ADGRA1: variants seen among roughly 807,000 people sequenced by gnomAD.
ADGRA1 encodes the protein adhesion G protein-coupled receptor A1.
Under a neutral mutation model 21.3 loss-of-function variants are expected in ADGRA1, and 12 were observed. The ratio of observed to expected loss-of-function variants is 0.56; its 90% CI spans 0.36 to 0.91. The LOEUF is 0.91. Among genes scored for constraint, ADGRA1 ranks in the 40% least tolerant of loss-of-function variants. The pLI is 0.01. For missense variants in ADGRA1, 790 were observed against 805.6 expected, an observed-to-expected ratio of 0.98 and a Z score of 0.23; for synonymous variants, 385 against 368.8, an observed-to-expected ratio of 1.04 and a Z score of -0.50.
At chr10:133,104,546 G>T (rs1851859129) in intron 5 of ADGRA1, among the ~76,000 whole-genome samples, 1 of 152,188 alleles carries the variant, frequency 6.6e-6, no homozygotes, top group African/African-American at 2.4e-5. Context: ...GGCCCTGCTT[G>T]CGGCCATGGT....
chr10:133,128,867 C>A lies in ADGRA1; in HGVS notation c.1039C>A (p.Pro347Thr), dbSNP rs749234666. 3.2e-6 allele frequency: 5 copies of A among 1,577,360 alleles called. No homozygotes were observed. The South Asian group carries it at 5.7e-5, about 18-fold the overall frequency. ...GGGCCGCGCCGCCTGCCTGCACTCG[C>A]CGGGACTGGGCCAGCCACGGGGCTT... Reference protein sequence around the residue: ...ALGRAACLHSPGLGQPRGFAH... With the variant: ...ALGRAACLHSTGLGQPRGFAH... The change falls in exon 7 of 7, where the codon CCG becomes ACG. Residue 347 changes from proline to threonine, a missense_variant. By Grantham distance (38) the Pro-to-Thr change is conservative (BLOSUM62 -1). Around this residue, in one of 3 missense-constraint regions of ADGRA1, gnomAD observed 391 missense variants for 351.5 expected, o/e 1.11. Coordinates refer to ENST00000392607, the MANE Select transcript of ADGRA1 (RefSeq NM_001083909.3).
In ADGRA1 at chr10:133,128,830, CG is replaced by C; in HGVS notation, c.1006del (p.Ala336ProfsTer29). ...ACGCCCACCCCGCACTTGACGCCAA[CG>C]GGGCCGCGCTGGGCCGCGCCGCCTG... ...KDAHPALDAN[G>X]AALGRAACLH... On this transcript the variant is annotated frameshift_variant, in exon 7 of 7. Coordinates refer to ENST00000392607, the MANE Select transcript of ADGRA1 (RefSeq NM_001083909.3). LOFTEE classifies it low-confidence loss of function (END_TRUNC). 1 of 1,598,762 alleles carries C rather than the reference CG, an allele frequency of 6.3e-7. No individual in the cohort carries two copies. The highest frequency in any genetic ancestry group is 8.5e-7 in the Non-Finnish European group (1 of 1,174,752).
At chr10:133,109,613 C>G (rs986491653) in intron 5 of ADGRA1, among the ~76,000 whole-genome samples, 11 of 152,186 alleles carry the variant, frequency 7.2e-5, no homozygotes, top group African/African-American at 2.7e-4. Context: ...AGACCCCGAC[C>G]TTCTGCCCGG....
At chr10:133,118,347 C>A (rs1591184332) in intron 5 of ADGRA1, among the ~76,000 whole-genome samples, 1 of 152,120 alleles carries the variant, frequency 6.6e-6, no homozygotes, top group East Asian at 1.9e-4. Flanking sequence ...ATAAATACAA[C>A]TTTTATGTGC....
intron 5 of ADGRA1, among the ~76,000 whole-genome samples, chr10:133,104,743 C>T (rs542754768): frequency 6.6e-5 from 10 of 152,198 alleles, no homozygotes; most frequent in Non-Finnish European, 1.0e-4. Context: ...CAGCCGCCCC[C>T]CCGGTGTCTG....
chr10:133,096,006 GCACC>G (rs5789151), intron 2 of ADGRA1, among the ~76,000 whole-genome samples: 43,403 of 151,948 alleles, frequency 0.29, 6,673 homozygotes, highest in East Asian at 0.61. Context: ...ACCCCTGCTG[GCACC>G]CACCCACAGG....
intron 4 of ADGRA1, 40 bp from the exon 5 acceptor site, chr10:133,102,657 G>A: frequency 6.3e-7 from 1 of 1,579,864 alleles, no homozygotes; most frequent in Non-Finnish European, 8.6e-7. Context: ...TGGGGGGTGG[G>A]TGCCCGCCAA....
At chr10:133,095,604 G>A (rs1280095156) in intron 2 of ADGRA1, 6 of 1,553,302 alleles carry the variant, frequency 3.9e-6, no homozygotes, top group Non-Finnish European at 4.3e-6. Context: ...CTGGGGCAGG[G>A]GCCCTATTTC....
At chr10:133,107,254 T>C (rs1722586940) in intron 5 of ADGRA1, among the ~76,000 whole-genome samples, 1 of 152,238 alleles carries the variant, frequency 6.6e-6, no homozygotes, top group Non-Finnish European at 1.5e-5. Flanking sequence ...TCTTTAGTAT[T>C]TCCTGTATAT....
At chr10:133,124,454 G>A (rs955694036) in intron 5 of ADGRA1, among the ~76,000 whole-genome samples, 4 of 152,206 alleles carry the variant, frequency 2.6e-5, no homozygotes. Flanking sequence ...GGCAGTGGTT[G>A]GCCTGACTCG....
rs200266763 is a variant in ADGRA1, at chr10:133,128,473, C to A, written c.645C>A (p.Pro215=). The A allele has an allele frequency of 2.4e-5, 38 of 1,577,478 alleles. No homozygotes were observed. The highest frequency in any genetic ancestry group is 3.0e-5 in the Non-Finnish European group (35 of 1,163,272). ...PGRRYELRTQ[P]EEQRRLATPE... is the part of the protein sequence containing the mutation. ...GCAGGTACGAGCTGCGCACACAGCC[C>A]GAGGAGCAGCGGCGGCTGGCGACAC... Residue 215 remains proline, a synonymous_variant, in exon 7 of 7, where the codon CCC becomes CCA. Coordinates refer to ENST00000392607, the MANE Select transcript of ADGRA1 (RefSeq NM_001083909.3).
intron 5 of ADGRA1, among the ~76,000 whole-genome samples, chr10:133,105,104 C>T (rs1591174522): frequency 6.6e-6 from 1 of 152,376 alleles, no homozygotes; most frequent in East Asian, 1.9e-4. Context: ...ACGTTATCCA[C>T]GCCAGCAGAA....
intron 5 of ADGRA1, among the ~76,000 whole-genome samples, chr10:133,117,716 C>A (rs960347814): frequency 9.9e-5 from 15 of 152,272 alleles, no homozygotes; most frequent in Non-Finnish European, 2.1e-4. Context: ...GGGTTCTGCA[C>A]ACGTGACCTC....
Position 133,088,096 on chromosome 10 carries a change from GAGCGCGGCCCGGCCGCCCCGGC to G in ADGRA1, c.-241_-220del. The G allele has an allele frequency of 1.0e-6, 1 of 985,248 alleles. No individual in the cohort carries two copies. The highest frequency in any genetic ancestry group is 5.2e-4 in the Middle Eastern group (1 of 1,912). The allele number at this position is 985,248 out of a possible 1,614,324, so 61.0% of individuals were successfully genotyped here. A position where few individuals can be genotyped will look rare whatever the true frequency, so the allele number is the denominator to read the frequency against. On this transcript the variant is annotated 5_prime_UTR_variant, in exon 1 of 7. It removes the in-frame stop codon of an upstream open reading frame in the 5' UTR. Coordinates refer to ENST00000392607, the MANE Select transcript of ADGRA1 (RefSeq NM_001083909.3). ...GGGAGCGCAGCGCGTCTGTCTCCGG[GAGCGCGGCCCGGCCGCCCCGGC>G]AGCCGCTTCGGCCACAGCAGGTGGG...
chr10:133,091,441 C>T (rs1275787893), intron 2 of ADGRA1, among the ~76,000 whole-genome samples: 1 of 152,230 alleles, frequency 6.6e-6, no homozygotes, highest in Non-Finnish European at 1.5e-5. Flanking sequence ...TTTCATTCCA[C>T]AATTGCAATA....
At chr10:133,125,402 T>A (rs1007917105) in intron 5 of ADGRA1, among the ~76,000 whole-genome samples, 5 of 152,340 alleles carry the variant, frequency 3.3e-5, no homozygotes, top group Middle Eastern at 3.4e-3. Flanking sequence ...TTAATATTTT[T>A]AAAAAATTTG....
chr10:133,091,343 G>A (rs1304175376), intron 2 of ADGRA1, among the ~76,000 whole-genome samples: 1 of 151,952 alleles, frequency 6.6e-6, no homozygotes, highest in Non-Finnish European at 1.5e-5. Context: ...CAGTGTGGTT[G>A]CCGTGGGATG....
chr10:133,126,096 G>A (rs954155239), intron 5 of ADGRA1, among the ~76,000 whole-genome samples: 3 of 152,184 alleles, frequency 2.0e-5, no homozygotes, highest in Admixed American at 2.0e-4. Context: ...GGTGAAGTCC[G>A]CAGCACGGAC....
At position 133,129,232 on chromosome 10, in the gene ADGRA1, G is replaced by C; in HGVS notation, c.1404G>C (p.Thr468=). The part of the protein sequence containing the change: ...SSLDGPAGTH[T]LACCTQGDPF... ...TGGATGGCCCGGCGGGGACACACACGCTGGCCTGCTGCACCCAGGGCGACC... is the reference window on the plus strand; with the variant it reads ...TGGATGGCCCGGCGGGGACACACACCCTGGCCTGCTGCACCCAGGGCGACC... Residue 468 remains threonine, a synonymous_variant, in exon 7 of 7, where the codon ACG becomes ACC. Transcript: ENST00000392607. The C allele has an allele frequency of 1.3e-6, 2 of 1,549,576 alleles. No individual in the cohort carries two copies. Among genetic ancestry groups the C allele is most frequent in the African/African-American group, 1.4e-5 (1 of 73,124 alleles).
Sources: allele counts gnomAD v4.1 joint callset (sites outside exome capture counted in the v4.1 genomes callset), GRCh38; gene constraint gnomAD v4.1.1; regional missense constraint gnomAD v4.1.1; transcripts MANE v1.5; gene names NCBI Gene and HGNC (gene_info 2026-07-23, HGNC 2026-07-21).